The following SPOCK3 variants were observed in gnomAD, a reference collection of about 807,000 sequenced individuals.
SPOCK3 encodes SPARC (osteonectin), cwcv and kazal like domains proteoglycan 3.
Under a neutral mutation model 56.6 loss-of-function variants are expected in SPOCK3, and 30 were observed. The ratio of observed to expected loss-of-function variants is 0.53; its 90% confidence interval spans 0.40 to 0.72. The LOEUF (loss-of-function observed/expected upper bound fraction) is 0.72. Among genes scored for constraint, SPOCK3 ranks in the 30% least tolerant of loss-of-function variants. SPOCK3 has a pLI of 0.00. For missense variants in SPOCK3, 527 were observed against 530.0 expected, an observed-to-expected ratio of 0.99 and a Z score of 0.06; for synonymous variants, 196 against 183.3, an observed-to-expected ratio of 1.07 and a Z score of -0.56.
chr4:166,958,473 C>T (rs992884190), intron 4 of SPOCK3, among the ~76,000 whole-genome samples: 6 of 152,184 alleles, frequency 3.9e-5, no homozygotes, highest in African/African-American at 1.4e-4. Context: ...AAGCCATTGT[C>T]ATCTCTCATC....
intron 2 of SPOCK3, among the ~76,000 whole-genome samples, chr4:167,210,511 CT>C (rs1734766526): frequency 6.6e-6 from 1 of 152,042 alleles, no homozygotes; most frequent in South Asian, 2.1e-4. Context: ...ACAAAGAGGT[CT>C]TTTCCTCTTT....
intron 2 of SPOCK3, among the ~76,000 whole-genome samples, chr4:167,082,185 T>A (rs1757768388): frequency 1.3e-5 from 2 of 152,104 alleles, no homozygotes; most frequent in South Asian, 4.1e-4. Context: ...GCATTTGAAA[T>A]CCCCTAGTCA....
At chr4:166,950,599 A>C (rs201141190) in intron 4 of SPOCK3, among the ~76,000 whole-genome samples, 19,500 of 148,298 alleles carry the variant, frequency 0.13, 1,528 homozygotes, top group Admixed American at 0.24. Flanking sequence ...TAGACATCTA[A>C]AGAACTCTCC....
intron 2 of SPOCK3, among the ~76,000 whole-genome samples, chr4:167,174,817 A>G (rs535679310): frequency 6.6e-6 from 1 of 152,342 alleles, no homozygotes; most frequent in Admixed American, 6.5e-5. Context: ...GCGCGTGCAC[A>G]CGCACACAAA....
rs1286227377 is a variant in SPOCK3 at position 166,943,550 on chromosome 4, A to T, written c.351-30807T>A. On this transcript the variant is annotated intron_variant, in intron 4 of 10. Transcript: ENST00000357545. ...AAATGTCAGGCTAAAAACCTCAAGT[A>T]GTTGTTCAATTTTTTACAGTTCAGT... Among the ~76,000 whole-genome samples the T allele has an allele frequency of 3.9e-5, 6 of 152,350 alleles. No individual in the cohort carries two copies. The South Asian group carries it at 1.2e-3, about 32-fold the overall frequency.
At chr4:167,036,291 T>C (rs912414532) in intron 3 of SPOCK3, among the ~76,000 whole-genome samples, 25 of 152,172 alleles carry the variant, frequency 1.6e-4, no homozygotes, top group African/African-American at 5.5e-4. Flanking sequence ...TCTGCGTTTT[T>C]TCTCTGTTCT....
chr4:166,891,896 A>G (rs564244800), intron 5 of SPOCK3, among the ~76,000 whole-genome samples: 3 of 152,010 alleles, frequency 2.0e-5, no homozygotes, highest in Non-Finnish European at 4.4e-5. Flanking sequence ...ACATTTTACC[A>G]TTTGAATATA....
At chr4:166,860,802 C>CATATAT in intron 6 of SPOCK3, among the ~76,000 whole-genome samples, 15 of 101,934 alleles carry the variant, frequency 1.5e-4, no homozygotes, top group Admixed American at 3.9e-4. Flanking sequence ...CACACAAATT[C>CATATAT]ATATATATAT....
intron 2 of SPOCK3, among the ~76,000 whole-genome samples, chr4:167,231,481 CAT>C (rs1737175033): frequency 6.6e-6 from 1 of 152,056 alleles, no homozygotes; most frequent in Admixed American, 6.6e-5. Context: ...TCTTTGCCCT[CAT>C]ATAAAGTGAG....
chr4:167,053,772 T>TGA (rs1440770130), intron 3 of SPOCK3, among the ~76,000 whole-genome samples: 1 of 152,100 alleles, frequency 6.6e-6, no homozygotes, highest in Non-Finnish European at 1.5e-5. Flanking sequence ...CTGCCCTTCC[T>TGA]GAGAGGCTCT....
At chr4:167,099,726 T>C (rs972382646) in intron 2 of SPOCK3, among the ~76,000 whole-genome samples, 3 of 152,142 alleles carry the variant, frequency 2.0e-5, no homozygotes, top group Admixed American at 6.6e-5. Context: ...TTTTAAAAAA[T>C]TTTAAAAGAA....
At chr4:167,117,110 G>T (rs1024322061) in intron 2 of SPOCK3, among the ~76,000 whole-genome samples, 1 of 151,322 alleles carries the variant, frequency 6.6e-6, no homozygotes, top group Non-Finnish European at 1.5e-5. Flanking sequence ...AATGATGAAG[G>T]TTTGAGATGA....
intron 8 of SPOCK3, among the ~76,000 whole-genome samples, chr4:166,744,918 G>A (rs554921399): frequency 2.0e-5 from 3 of 152,154 alleles, no homozygotes; most frequent in East Asian, 1.9e-4. Flanking sequence ...GAAATGAAGC[G>A]AGAAGACAAG....
At chr4:166,959,893 T>A (rs1308755676) in intron 4 of SPOCK3, among the ~76,000 whole-genome samples, 2 of 152,054 alleles carry the variant, frequency 1.3e-5, no homozygotes. Flanking sequence ...GCACAAAAAA[T>A]TAAAATTTTT....
intron 6 of SPOCK3, among the ~76,000 whole-genome samples, chr4:166,874,020 A>C (rs1485571132): frequency 6.6e-6 from 1 of 152,154 alleles, no homozygotes; most frequent in Non-Finnish European, 1.5e-5. Context: ...TGTCATTTTG[A>C]AGATGCATGT....
chr4:167,104,995 A>G (rs1759974141), intron 2 of SPOCK3, among the ~76,000 whole-genome samples: 1 of 152,112 alleles, frequency 6.6e-6, no homozygotes, highest in Non-Finnish European at 1.5e-5. Context: ...TTACCCTAGA[A>G]TAGAATATCC....
chr4:167,046,015 T>C (rs1330397638), intron 3 of SPOCK3, among the ~76,000 whole-genome samples: 1 of 152,182 alleles, frequency 6.6e-6, no homozygotes, highest in African/African-American at 2.4e-5. Context: ...AATCCCTCGA[T>C]TTTCCTTGTC....
chr4:167,221,495 A>G (rs905538030), intron 2 of SPOCK3, among the ~76,000 whole-genome samples: 11 of 152,214 alleles, frequency 7.2e-5, no homozygotes, highest in African/African-American at 2.7e-4. Flanking sequence ...AGTCGTTTCA[A>G]ACTTCACTGA....
intron 2 of SPOCK3, among the ~76,000 whole-genome samples, chr4:167,111,961 T>G (rs1760940880): frequency 6.6e-6 from 1 of 152,040 alleles, no homozygotes; most frequent in African/African-American, 2.4e-5. Flanking sequence ...GGTGTCACTA[T>G]GTTTCCCAGG....
Sources: allele counts gnomAD v4.1 joint callset (sites outside exome capture counted in the v4.1 genomes callset), GRCh38; gene constraint gnomAD v4.1.1; transcripts MANE v1.5; gene names NCBI Gene and HGNC (gene_info 2026-07-23, HGNC 2026-07-21).